SULF2: variants seen among roughly 807,000 people sequenced by gnomAD.
The protein encoded by SULF2 is sulfatase 2.
A neutral mutation model predicts 107.7 loss-of-function variants in SULF2; 52 were observed. The ratio of observed to expected loss-of-function variants is 0.48; its 90% confidence interval spans 0.39 to 0.61. The LOEUF is 0.61. Among genes scored for constraint, SULF2 ranks in the 20% least tolerant of loss-of-function variants. The pLI is 0.00. For synonymous variants in SULF2, 460 were observed against 464.3 expected, an observed-to-expected ratio of 0.99 and a Z score of 0.12; for missense variants, 993 against 1,177.3, an observed-to-expected ratio of 0.84 and a Z score of 2.29.
intron 5 of SULF2, among the ~76,000 whole-genome samples, chr20:47,688,145 T>A (rs775477187): frequency 2.6e-5 from 4 of 152,104 alleles, no homozygotes; most frequent in Non-Finnish European, 5.9e-5. Flanking sequence ...GCCGGCTTTC[T>A]AGGGGAGAGA....
rs1457960632 is a variant in SULF2, at chr20:47,672,333, T to A, written c.1441A>T (p.Met481Leu). 6.2e-7 allele frequency: 1 copy of A among 1,613,200 alleles called. No homozygotes were observed. Among genetic ancestry groups the A allele is most frequent in the South Asian group, 1.1e-5 (1 of 91,090 alleles). ...KLKLHKCKGP[M>L]RLGGSRALSN... ...AGGGCTCTGCTGCCGCCCAGCCGCA[T>A]GGGGCCCTTGCACTTATGCAGCTTC... The change falls in exon 11 of 21, where the codon ATG becomes TTG. Residue 481 changes from methionine to leucine, a missense_variant. By Grantham distance (15) the Met-to-Leu change is conservative. Around this residue, in one of 3 missense-constraint regions of SULF2, gnomAD observed 497 missense variants for 544.1 expected, o/e 0.91. Transcript: ENST00000688720.
intron 3 of SULF2, among the ~76,000 whole-genome samples, chr20:47,725,005 A>G (rs886443847): frequency 6.6e-6 from 1 of 152,250 alleles, no homozygotes; most frequent in Non-Finnish European, 1.5e-5. Flanking sequence ...AAAGCAATTT[A>G]TAATGAAGAT....
intron 5 of SULF2, 123 bp from the exon 6 acceptor site, chr20:47,684,704 T>G: frequency 1.1e-6 from 1 of 938,566 alleles, no homozygotes; most frequent in Non-Finnish European, 1.6e-6. Context: ...GGGCCAGGTG[T>G]GATCTCCTGG....
intron 1 of SULF2, among the ~76,000 whole-genome samples, chr20:47,770,725 G>A (rs576806346): frequency 1.1e-4 from 17 of 152,314 alleles, no homozygotes; most frequent in African/African-American, 3.8e-4. Flanking sequence ...GCAGGGCCTT[G>A]GCTTGTCTGG....
rs879081051 is a variant in SULF2 at position 47,662,919 on chromosome 20, A to C, written c.2370+151T>G. On this transcript the variant is annotated intron_variant, in intron 17 of 20. Transcript: ENST00000688720. ...AAGGCTGATTGAACACAGAACCCCCAATCTCAGCAGCTTCACAACTTACTC... is the reference window on the plus strand; with the variant it reads ...AAGGCTGATTGAACACAGAACCCCCCATCTCAGCAGCTTCACAACTTACTC... 2.6e-5 allele frequency: 21 copies of C among 801,748 alleles called. No homozygotes were observed. In the South Asian group the frequency reaches 3.5e-4, roughly 13 times the overall value. The allele number at this position is 801,748 out of a possible 1,614,324, so 49.7% of individuals were successfully genotyped here. A position where few individuals can be genotyped will look rare whatever the true frequency, so the allele number is the denominator to read the frequency against.
At chr20:47,762,786 C>G (rs536399073) in intron 1 of SULF2, among the ~76,000 whole-genome samples, 1 of 152,336 alleles carries the variant, frequency 6.6e-6, no homozygotes, top group South Asian at 2.1e-4. Flanking sequence ...GGACTTCGTT[C>G]CTGGCTCCCA....
chr20:47,731,196 T>TTATTTTTTTTATTTTTTTTA (rs2089600219), intron 3 of SULF2, among the ~76,000 whole-genome samples: 1 of 103,724 alleles, frequency 9.6e-6, no homozygotes, highest in African/African-American at 3.7e-5. Flanking sequence ...TCTTTTTTTT[T>TTATTTTTTTTATTTTTTTTA]TTTTTTTTTT....
intron 1 of SULF2, among the ~76,000 whole-genome samples, chr20:47,759,973 C>T (rs1186583963): frequency 6.6e-6 from 1 of 152,200 alleles, no homozygotes; most frequent in Non-Finnish European, 1.5e-5. Flanking sequence ...CAGGCCTTGG[C>T]ACAAAGAAAT....
At chr20:47,686,649 G>C (rs1237484675) in intron 5 of SULF2, among the ~76,000 whole-genome samples, 1 of 152,232 alleles carries the variant, frequency 6.6e-6, no homozygotes, top group Non-Finnish European at 1.5e-5. Context: ...CCTCTGGCCT[G>C]GTACGTCGGG....
intron 1 of SULF2, among the ~76,000 whole-genome samples, chr20:47,765,784 G>C (rs1323410943): frequency 6.6e-6 from 1 of 152,152 alleles, no homozygotes; most frequent in Non-Finnish European, 1.5e-5. Context: ...ATGGCTATTT[G>C]CACACAGACA....
At chr20:47,719,538 G>GT (rs1237129824) in intron 3 of SULF2, among the ~76,000 whole-genome samples, 2 of 152,196 alleles carry the variant, frequency 1.3e-5, no homozygotes, top group African/African-American at 4.8e-5. Flanking sequence ...TCTCTAGGCT[G>GT]TTTATGCCCA....
intron 1 of SULF2, among the ~76,000 whole-genome samples, chr20:47,779,471 CCT>C (rs1001170803): frequency 6.6e-6 from 1 of 152,196 alleles, no homozygotes. Context: ...ACTCTCGGGC[CCT>C]CTCTGTTGCC....
chr20:47,731,180 A>ATTTTTTTTTTTTTTT (rs2089591559), intron 3 of SULF2, among the ~76,000 whole-genome samples: 1 of 109,990 alleles, frequency 9.1e-6, no homozygotes, highest in Non-Finnish European at 1.7e-5. Flanking sequence ...ACTCACCTGT[A>ATTTTTTTTTTTTTTT]TCTTCTCTTT....
chr20:47,744,482 C>G (rs571529914), intron 2 of SULF2, among the ~76,000 whole-genome samples: 22 of 152,240 alleles, frequency 1.4e-4, no homozygotes, highest in African/African-American at 4.8e-4. Flanking sequence ...TGGGAGAGGG[C>G]AGGATTTGGC....
intron 4 of SULF2, 35 bp downstream of exon 4, chr20:47,702,484 A>AACTCC: frequency 3.7e-6 from 6 of 1,600,826 alleles, no homozygotes; most frequent in Non-Finnish European, 5.1e-6. Context: ...GCTGGGCCAC[A>AACTCC]CAGCCACTCC....
intron 1 of SULF2, among the ~76,000 whole-genome samples, chr20:47,766,892 C>A (rs1288019354): frequency 1.3e-5 from 2 of 151,546 alleles, no homozygotes; most frequent in Admixed American, 6.6e-5. Flanking sequence ...CCATATAATT[C>A]ACACCCTCAA....
chr20:47,707,147 C>A (rs2088771275), intron 3 of SULF2, among the ~76,000 whole-genome samples: 1 of 151,772 alleles, frequency 6.6e-6, no homozygotes, highest in South Asian at 2.1e-4. Context: ...GGCCACCACA[C>A]CTGGCTAATT....
intron 2 of SULF2, among the ~76,000 whole-genome samples, chr20:47,750,126 C>T (rs1195473753): frequency 1.3e-5 from 2 of 152,324 alleles, no homozygotes; most frequent in South Asian, 2.1e-4. Context: ...GGACTATAGG[C>T]GTGTGCCACC....
chr20:47,753,995 T>C (rs1600653136), intron 2 of SULF2, among the ~76,000 whole-genome samples: 1 of 152,344 alleles, frequency 6.6e-6, no homozygotes, highest in East Asian at 1.9e-4. Context: ...CATGTAATGA[T>C]AATTTAGGCC....
Sources: allele counts gnomAD v4.1 joint callset (sites outside exome capture counted in the v4.1 genomes callset), GRCh38; gene constraint gnomAD v4.1.1; regional missense constraint gnomAD v4.1.1; transcripts MANE v1.5; gene names NCBI Gene and HGNC (gene_info 2026-07-23, HGNC 2026-07-21).